The following OAS3 variants were observed in gnomAD, a reference collection of about 807,000 sequenced individuals.
OAS3 encodes 2'-5'-oligoadenylate synthetase 3.
In OAS3, 107 loss-of-function variants were observed where a neutral mutation model predicts 113.0. The observed-to-expected ratio is 0.95, with a 90% CI of 0.81 to 1.11. OAS3 has a LOEUF of 1.11. Ranked by LOEUF, OAS3 falls within the 50% of genes most tolerant of loss-of-function variation. The pLI, the probability that OAS3 is intolerant of heterozygous loss-of-function variation, is 0.00. For missense variants in OAS3, 1,258 were observed against 1,389.1 expected (o/e 0.91, Z 1.50); for synonymous variants, 552 against 573.6 (o/e 0.96, Z 0.54).
intron 3 of OAS3, among the ~76,000 whole-genome samples, chr12:112,946,279 A>G (rs2043727836): frequency 6.6e-6 from 1 of 152,044 alleles, no homozygotes; most frequent in Non-Finnish European, 1.5e-5. Context: ...ATGGTGCACA[A>G]ATAGAAATCA....
At chr12:112,940,068 C>T (rs2043666686) in intron 1 of OAS3, among the ~76,000 whole-genome samples, 1 of 152,220 alleles carries the variant, frequency 6.6e-6, no homozygotes, top group African/African-American at 2.4e-5. Context: ...GGAGCACAAT[C>T]TCCCTGTGCT....
Position 112,963,234 on chromosome 12 carries a change from G to A in OAS3, c.2085-79G>A, listed in dbSNP as rs775554623. On this transcript the variant is annotated intron_variant, in intron 9 of 15. Coordinates refer to ENST00000228928, the MANE Select transcript of OAS3 (RefSeq NM_006187.4). This position sits in a 1 kb window ranked among gnomAD's most constrained non-coding sequence, Gnocchi z 4.6. ...TCCTGACACTCTTTCCAGCCCTCAC[G>A]CCCCTTTTCAGCCCTTCCACCCGCC... 20 of 1,435,452 alleles carry A rather than the reference G, an allele frequency of 1.4e-5. No individual in the cohort carries two copies. The highest frequency in any genetic ancestry group is 2.5e-5 in the East Asian group (1 of 40,062). 88.9% of individuals were successfully genotyped at this position (1,435,452 alleles called of 1,614,324 possible).
At chr12:112,957,129 A>G (rs1168033667) in intron 7 of OAS3, among the ~76,000 whole-genome samples, 1 of 152,148 alleles carries the variant, frequency 6.6e-6, no homozygotes, top group East Asian at 1.9e-4. Context: ...GTTGGTTTAA[A>G]GTCCCTTTTA....
intron 4 of OAS3, among the ~76,000 whole-genome samples, 185 bp from the exon 5 acceptor site, chr12:112,947,761 A>G (rs1025154758): frequency 5.9e-5 from 9 of 152,210 alleles, no homozygotes; most frequent in Non-Finnish European, 1.0e-4. Context: ...GCCAGGGTTG[A>G]CAATGATAAG....
Position 112,963,294 on chromosome 12 carries a change from C to T in OAS3, c.2085-19C>T. 1 of 1,557,500 alleles carries T rather than the reference C, an allele frequency of 6.4e-7. No homozygotes were observed. Among genetic ancestry groups the T allele is most frequent in the Non-Finnish European group, 8.7e-7 (1 of 1,148,462 alleles). Reference sequence around the variant, plus strand: ...ACTGACTCCCACCTTCCCCACCCACCTTCCTGCTGTGCCCCCAGACCCCTG... The same window carrying T: ...ACTGACTCCCACCTTCCCCACCCACTTTCCTGCTGTGCCCCCAGACCCCTG... On this transcript the variant is annotated intron_variant, in intron 9 of 15. Transcript: ENST00000228928. The surrounding 1 kb of genome is among the most constrained non-coding windows in gnomAD (Gnocchi z 4.6).
Position 112,941,801 on chromosome 12 carries a change from G to C in OAS3, c.409G>C (p.Asp137His), listed in dbSNP as rs2043682793. 6.2e-7 allele frequency: 1 copy of C among 1,613,918 alleles called. No homozygotes were observed. Residue 137 changes from aspartate (D) to histidine (H), a missense_variant, in exon 2 of 16, where the codon GAT (aspartate) becomes CAT (histidine). Coordinates refer to ENST00000228928, the MANE Select transcript of OAS3 (RefSeq NM_006187.4). ...GALQFRLTSV[D>H]LEDWMDVSLV... is the part of the protein sequence containing the mutation. ...CCTGCAGTTCCGCCTGACATCCGTA[G>C]ATCTTGAGGACTGGATGGATGTTAG...
In OAS3 at chr12:112,948,853, C is replaced by T. The variant is rs766076869; in HGVS notation, c.1030-8C>T. The T allele has an allele frequency of 5.2e-6, 8 of 1,546,614 alleles. No individual in the cohort carries two copies. In the South Asian group the frequency reaches 9.5e-5, roughly 18 times the overall value. On this transcript the variant is annotated splice_polypyrimidine_tract_variant and splice_region_variant and intron_variant, in intron 5 of 15. Transcript: ENST00000228928. ...CTGGCTGAGGCAGCTCCTTCAATGA[C>T]CTTCCAGGGCCTTCCACGTGCTGGA... is the stretch of plus-strand genomic sequence containing the variant.
At chr12:112,966,070 A>G in intron 12 of OAS3, 41 bp downstream of exon 12, 1 of 1,604,948 alleles carries the variant, frequency 6.2e-7, no homozygotes, top group South Asian at 1.1e-5. Flanking sequence ...GGAAATACAG[A>G]GGCAGGGCCG....
At position 112,941,735 on chromosome 12, in the gene OAS3, G is replaced by A; in HGVS notation, c.343G>A (p.Gly115Ser). The A allele has an allele frequency of 4.3e-6, 7 of 1,614,022 alleles. No individual in the cohort carries two copies. The highest frequency in any genetic ancestry group is 5.9e-6 in the Non-Finnish European group (7 of 1,179,894). ...LESWWQNPVP[G>S]LRLTFPEQSV... ...ATCCTGGTGGCAGAACCCAGTCCCT[G>A]GTCTGAGACTCACGTTTCCTGAGCA... The change falls in exon 2 of 16, where the codon GGT (glycine) becomes AGT (serine). Residue 115 changes from glycine (G) to serine (S), a missense_variant. Coordinates refer to ENST00000228928, the MANE Select transcript of OAS3 (RefSeq NM_006187.4).
chr12:112,962,980 G>A (rs774500478), intron 9 of OAS3, 78 bp downstream of exon 9: 7 of 1,576,976 alleles, frequency 4.4e-6, no homozygotes, highest in Non-Finnish European at 6.0e-6. Flanking sequence ...TCATCCAGGA[G>A]GAGTCCAAGG....
chr12:112,944,074 T>C (rs139604146), intron 2 of OAS3, among the ~76,000 whole-genome samples: 4 of 152,322 alleles, frequency 2.6e-5, no homozygotes, highest in African/African-American at 7.2e-5. Context: ...TTCCTCTCCG[T>C]GACACCTCTT....
intron 11 of OAS3, 146 bp downstream of exon 11, chr12:112,964,554 G>A (rs1229021213): frequency 3.7e-6 from 3 of 806,780 alleles, no homozygotes; most frequent in Non-Finnish European, 5.8e-6. Flanking sequence ...GGTCATGGGA[G>A]GATGGCAGAG....
chr12:112,963,197 C>T lies in OAS3; in HGVS notation c.2085-116C>T. ...GCTTCTGCACTTGGGCAAGACTGAGCCAACCCTGAGGTCCTGACACTCTTT... is the reference window on the plus strand; with the variant it reads ...GCTTCTGCACTTGGGCAAGACTGAGTCAACCCTGAGGTCCTGACACTCTTT... On this transcript the variant is annotated intron_variant, in intron 9 of 15. Transcript: ENST00000228928. This position sits in a 1 kb window ranked among gnomAD's most constrained non-coding sequence, Gnocchi z 4.6. 1.5e-6 allele frequency: 2 copies of T among 1,297,864 alleles called. No homozygotes were observed. The highest frequency in any genetic ancestry group is 3.1e-5 in the South Asian group (2 of 64,724). The allele number at this position is 1,297,864 out of a possible 1,614,324, so 80.4% of individuals were successfully genotyped here. A position where few individuals can be genotyped will look rare whatever the true frequency, so the allele number is the denominator to read the frequency against.
Position 112,950,928 on chromosome 12 carries a change from T to C in OAS3, c.1610T>C (p.Leu537Pro). ...ALQFQLVSTA[L>P]KSWTDVSLLP... ...CAGTTCCAGCTGGTGTCCACAGCCC[T>C]GAAGAGCTGGACGGATGTTAGCCTG... The change falls in exon 7 of 16, where the codon CTG becomes CCG. Residue 537 changes from leucine (L) to proline (P), a missense_variant. Transcript: ENST00000228928. 1 of 1,613,984 alleles carries C rather than the reference T, an allele frequency of 6.2e-7. No homozygotes were observed. The highest frequency in any genetic ancestry group is 8.5e-7 in the Non-Finnish European group (1 of 1,179,886).
intron 3 of OAS3, among the ~76,000 whole-genome samples, chr12:112,946,121 C>T (rs1208143035): frequency 2.0e-5 from 3 of 151,994 alleles, no homozygotes; most frequent in African/African-American, 4.8e-5. Flanking sequence ...AGGGGGTGAG[C>T]GGAGGGAGTG....
chr12:112,965,656 T>C lies in OAS3; in HGVS notation c.2404-88T>C. 6 of 1,256,384 alleles carry C rather than the reference T, an allele frequency of 4.8e-6. No individual in the cohort carries two copies. The South Asian group carries it at 8.7e-5, about 18-fold the overall frequency. 77.8% of individuals were successfully genotyped at this position (1,256,384 alleles called of 1,614,324 possible). On this transcript the variant is annotated intron_variant, in intron 11 of 15. Coordinates refer to ENST00000228928, the MANE Select transcript of OAS3 (RefSeq NM_006187.4). ...GAGAGGTTAGATGACTTGTCCAAGG[T>C]CACACAGTAGGTTTTCTAACTCACA...
At chr12:112,969,527 G>A (rs750853804) in intron 14 of OAS3, 81 bp from the exon 15 acceptor site, 2 of 1,512,432 alleles carry the variant, frequency 1.3e-6, no homozygotes, top group Non-Finnish European at 1.8e-6. Flanking sequence ...TTAGATAAAA[G>A]GGGAAAATAG....
chr12:112,951,647 A>G (rs1228201268), intron 7 of OAS3, among the ~76,000 whole-genome samples: 4 of 152,044 alleles, frequency 2.6e-5, no homozygotes, highest in Non-Finnish European at 4.4e-5. Context: ...ACTTTATGTG[A>G]TATCAATTCT....
chr12:112,938,704 CA>C lies in OAS3; in HGVS notation c.176del (p.Lys59ArgfsTer58). ...CTGCCCCGCGGGTGCTGAAAACTGT[CA>C]AGGTGAGGTCCCACCTCGGGGTCTT... is the stretch of plus-strand genomic sequence containing the variant. ...AAAPRVLKTVKGGSSGRGTAL... is the reference protein window; with the variant it reads ...AAAPRVLKTVXGGSSGRGTAL... On this transcript the variant is annotated frameshift_variant and splice_region_variant, in exon 1 of 16. Transcript: ENST00000228928. LOFTEE classifies it high-confidence loss of function. 6.4e-7 allele frequency: 1 copy of C among 1,553,472 alleles called. No homozygotes were observed. Among genetic ancestry groups the C allele is most frequent in the East Asian group, 2.4e-5 (1 of 41,262 alleles).
Sources: gnomAD v4.1 joint callset for allele counts (sites outside exome capture counted in the v4.1 genomes callset) on GRCh38, gnomAD v4.1.1 for gene constraint, Gnocchi (gnomAD v3.1) non-coding constraint, MANE v1.5 for transcripts, NCBI Gene and HGNC (gene_info 2026-07-23, HGNC 2026-07-21) for gene names.